LMNTD1: variants seen among roughly 807,000 people sequenced by gnomAD.
The protein encoded by LMNTD1 is lamin tail domain containing 1, also known as lamin tail domain-containing protein 1.
LMNTD1 carries 35 observed loss-of-function variants against 50.9 expected under a neutral mutation model. The observed-to-expected ratio is 0.69, with a 90% CI of 0.53 to 0.91. LMNTD1 has a LOEUF of 0.91. LMNTD1 is among the 40% of genes least tolerant of loss of function. The pLI, the probability that LMNTD1 is intolerant of heterozygous loss-of-function variation, is 0.00. For missense variants in LMNTD1, 470 were observed against 475.5 expected (o/e 0.99, Z 0.11); for synonymous variants, 153 against 161.9 (o/e 0.94, Z 0.42).
chr12:25,552,581 GAAAAA>G (rs55848800), intron 2 of LMNTD1, among the ~76,000 whole-genome samples: 2 of 58,156 alleles, frequency 3.4e-5, no homozygotes, highest in Non-Finnish European at 6.5e-5. Context: ...CACTCTGTCT[GAAAAA>G]AAAAAAAAAA....
intron 9 of LMNTD1, among the ~76,000 whole-genome samples, chr12:25,488,490 C>A (rs1168211221): frequency 1.4e-5 from 2 of 146,844 alleles, no homozygotes; most frequent in Admixed American, 6.9e-5. Context: ...CCGTCAGCTC[C>A]TTTAAGCACT....
At chr12:25,559,066 T>C (rs1004494395) in intron 1 of LMNTD1, among the ~76,000 whole-genome samples, 3 of 152,050 alleles carry the variant, frequency 2.0e-5, no homozygotes, top group Non-Finnish European at 4.4e-5. Context: ...ATTATTATAC[T>C]TTAAGTTCTA....
At chr12:25,617,146 A>G (rs1946367597) in intron 1 of LMNTD1, among the ~76,000 whole-genome samples, 1 of 152,208 alleles carries the variant, frequency 6.6e-6, no homozygotes, top group East Asian at 1.9e-4. Context: ...GCTCTGAGTC[A>G]GCCTTGCTCT....
At chr12:25,626,006 A>C (rs1268918568) in intron 1 of LMNTD1, among the ~76,000 whole-genome samples, 1 of 152,218 alleles carries the variant, frequency 6.6e-6, no homozygotes, top group African/African-American at 2.4e-5. Flanking sequence ...TACTGAATGG[A>C]AAAGTAGCAT....
At chr12:25,607,819 G>A (rs1946148645) in intron 1 of LMNTD1, among the ~76,000 whole-genome samples, 1 of 152,208 alleles carries the variant, frequency 6.6e-6, no homozygotes, top group African/African-American at 2.4e-5. Context: ...TGTTGATTGG[G>A]GGTGGAGAGT....
At chr12:25,549,949 C>G (rs749261645) in intron 2 of LMNTD1, among the ~76,000 whole-genome samples, 1 of 152,126 alleles carries the variant, frequency 6.6e-6, no homozygotes, top group Non-Finnish European at 1.5e-5. Flanking sequence ...ATTATTTTCC[C>G]TTTCCGTTAT....
intron 1 of LMNTD1, among the ~76,000 whole-genome samples, chr12:25,583,178 C>T (rs865840136): frequency 1.9e-4 from 22 of 116,602 alleles, no homozygotes; most frequent in Middle Eastern, 9.3e-3. Flanking sequence ...CCCGCCACTG[C>T]GCCTGGCTAA....
At chr12:25,580,374 C>G (rs1945232896) in intron 1 of LMNTD1, among the ~76,000 whole-genome samples, 1 of 152,104 alleles carries the variant, frequency 6.6e-6, no homozygotes, top group Admixed American at 6.6e-5. Flanking sequence ...TAGTCAGTCT[C>G]CATTCTGATT....
chr12:25,583,317 G>A (rs1203782573), intron 1 of LMNTD1, among the ~76,000 whole-genome samples: 1 of 135,532 alleles, frequency 7.4e-6, no homozygotes, highest in Non-Finnish European at 1.6e-5. Context: ...GTGAGCCACC[G>A]TGCCCGGCCG....
intron 6 of LMNTD1, among the ~76,000 whole-genome samples, chr12:25,524,585 G>C (rs1378436870): frequency 1.3e-5 from 2 of 152,158 alleles, no homozygotes; most frequent in Non-Finnish European, 2.9e-5. Context: ...TCAGTGCCTG[G>C]AGCAATGCAC....
Position 25,552,966 on chromosome 12 carries a change from T to G in LMNTD1, c.-7A>C, listed in dbSNP as rs1943861347. The stretch of plus-strand genomic sequence containing the variant: ...TGTCTTGTGTATCTTTCATCTTGGC[T>G]AGAAAAGAAGTCTCTTTTCTTTCCT... On this transcript the variant is annotated 5_prime_UTR_variant, in exon 2 of 10. The change abolishes the stop of an existing upstream ORF in the 5' untranslated region. Transcript: ENST00000458174. The G allele has an allele frequency of 6.3e-7, 1 of 1,598,266 alleles. No homozygotes were observed. Among genetic ancestry groups the G allele is most frequent in the Admixed American group, 1.7e-5 (1 of 57,994 alleles).
At chr12:25,514,775 T>C (rs1277878683) in intron 8 of LMNTD1, among the ~76,000 whole-genome samples, 1 of 152,138 alleles carries the variant, frequency 6.6e-6, no homozygotes, top group Non-Finnish European at 1.5e-5. Context: ...TATTATGAGA[T>C]AGGGAAAGAT....
chr12:25,648,466 G>A (rs1345423024), intron 1 of LMNTD1: 3 of 1,542,928 alleles, frequency 1.9e-6, no homozygotes, highest in East Asian at 4.9e-5. Flanking sequence ...GCCTGATGGG[G>A]AAAATCCAGC....
At chr12:25,534,953 T>C (rs1314822495) in intron 4 of LMNTD1, among the ~76,000 whole-genome samples, 2 of 152,048 alleles carry the variant, frequency 1.3e-5, no homozygotes, top group Non-Finnish European at 2.9e-5. Context: ...AATACAAAAA[T>C]ATTCTAGCCC....
chr12:25,488,221 AGAGT>A (rs1938735373), intron 9 of LMNTD1, among the ~76,000 whole-genome samples: 1 of 136,386 alleles, frequency 7.3e-6, no homozygotes, highest in Non-Finnish European at 1.6e-5. Context: ...AATATCCTGC[AGAGT>A]GTTTTCCACC....
At chr12:25,509,823 A>C (rs928848847) in intron 8 of LMNTD1, among the ~76,000 whole-genome samples, 5 of 152,332 alleles carry the variant, frequency 3.3e-5, no homozygotes, top group African/African-American at 1.2e-4. Context: ...CAACAAGCCA[A>C]GGAGTATCAA....
rs558311352 is a variant in LMNTD1 at position 25,500,455 on chromosome 12, T to C, written c.*22+3283A>G. 2.1e-4 allele frequency among the ~76,000 whole-genome samples: 32 copies of C among 152,296 alleles called. No individual in the cohort carries two copies. The Middle Eastern group carries it at 0.01, about 49-fold the overall frequency. On this transcript the variant is annotated intron_variant, in intron 9 of 9. Transcript: ENST00000458174. Reference sequence around the variant, plus strand: ...GAGGACAGTAAGAGATATGTGAACATAGCTCAGTTCATGAAAAGACTCCAT... The same window carrying C: ...GAGGACAGTAAGAGATATGTGAACACAGCTCAGTTCATGAAAAGACTCCAT...
At chr12:25,549,880 C>G (rs188131674) in intron 2 of LMNTD1, among the ~76,000 whole-genome samples, 1 of 152,246 alleles carries the variant, frequency 6.6e-6, no homozygotes, top group Admixed American at 6.5e-5. Flanking sequence ...TTTAAATGTA[C>G]TTTTTACTCT....
chr12:25,509,869 A>G lies in LMNTD1; in HGVS notation c.1190-6069T>C, dbSNP rs149034471. On this transcript the variant is annotated intron_variant, in intron 8 of 9. Coordinates refer to ENST00000458174, the MANE Select transcript of LMNTD1 (RefSeq NM_001145728.2). ...CAATGACTAGAAACTAAGAAGATGC[A>G]AGGAAAGATAATTTTCTAAAGTCTT... is the stretch of plus-strand genomic sequence containing the variant. Among the ~76,000 whole-genome samples, 300 of 152,306 alleles carry G rather than the reference A, an allele frequency of 2.0e-3. 4 individuals carry two copies. Among genetic ancestry groups the G allele is most frequent in the African/African-American group, 7.0e-3 (291 of 41,574 alleles).
Sources: gnomAD v4.1 joint callset for allele counts (sites outside exome capture counted in the v4.1 genomes callset) on GRCh38, gnomAD v4.1.1 for gene constraint, MANE v1.5 for transcripts, NCBI Gene and HGNC (gene_info 2026-07-23, HGNC 2026-07-21) for gene names.